Variants in SLC4A5 observed in about 807,000 individuals in gnomAD.
The protein encoded by SLC4A5 is electrogenic sodium bicarbonate cotransporter 4.
Under a neutral mutation model 120.4 loss-of-function variants are expected in SLC4A5, and 96 were observed. The observed-to-expected ratio is 0.80, with a 90% CI of 0.68 to 0.94. The LOEUF is 0.94. SLC4A5 is among the 40% of genes least tolerant of loss of function. The pLI is 0.00. For missense variants in SLC4A5, 1,259 were observed against 1,459.5 expected (o/e 0.86, Z 2.24); for synonymous variants, 550 against 571.1 (o/e 0.96, Z 0.53).
chr2:74,341,404 A>G (rs1317779171), intron 2 of SLC4A5, among the ~76,000 whole-genome samples: 1 of 152,162 alleles, frequency 6.6e-6, no homozygotes, highest in Non-Finnish European at 1.5e-5. Context: ...TGTTCAATGG[A>G]ACAGTGCACA....
chr2:74,288,349 ACC>A (rs35311398), intron 7 of SLC4A5, among the ~76,000 whole-genome samples: 1 of 151,722 alleles, frequency 6.6e-6, no homozygotes, highest in Admixed American at 6.6e-5. Context: ...CAAATTCACA[ACC>A]CCTGCCCTCA....
chr2:74,232,333 C>T, intron 24 of SLC4A5, 136 bp downstream of exon 24: 1 of 1,004,670 alleles, frequency 1.0e-6, no homozygotes. Flanking sequence ...GGATAGCACT[C>T]CTGTCCCTGT....
chr2:74,228,889 C>T (rs965732271), intron 25 of SLC4A5, among the ~76,000 whole-genome samples: 2 of 152,100 alleles, frequency 1.3e-5, no homozygotes, highest in Non-Finnish European at 2.9e-5. Context: ...CAAATCTTCA[C>T]AGCCTTTCAA....
intron 5 of SLC4A5, among the ~76,000 whole-genome samples, chr2:74,315,955 T>C (rs1040514305): frequency 2.0e-5 from 3 of 152,102 alleles, no homozygotes; most frequent in Non-Finnish European, 4.4e-5. Context: ...ATAAGAATAG[T>C]TAACATTGCT....
chr2:74,341,498 C>T (rs1673625174), intron 2 of SLC4A5, among the ~76,000 whole-genome samples: 1 of 152,130 alleles, frequency 6.6e-6, no homozygotes, highest in African/African-American at 2.4e-5. Context: ...GGGCAAGGAC[C>T]ATGTGCTGTT....
At chr2:74,295,329 T>G (rs1278705942) in intron 7 of SLC4A5, among the ~76,000 whole-genome samples, 1 of 152,120 alleles carries the variant, frequency 6.6e-6, no homozygotes, top group Admixed American at 6.5e-5. Flanking sequence ...ATCTAATATC[T>G]CATTTTAAAA....
chr2:74,274,674 G>C (rs1671583158), intron 8 of SLC4A5, among the ~76,000 whole-genome samples: 1 of 152,114 alleles, frequency 6.6e-6, no homozygotes, highest in African/African-American at 2.4e-5. Flanking sequence ...AAGATGATTA[G>C]GTCCAGTGAC....
intron 5 of SLC4A5, among the ~76,000 whole-genome samples, chr2:74,324,808 A>C (rs573060160): frequency 6.6e-6 from 1 of 152,138 alleles, no homozygotes; most frequent in African/African-American, 2.4e-5. Context: ...CCAGCCACAG[A>C]GACTGGTTCA....
At chr2:74,230,115 C>T (rs551654126) in intron 25 of SLC4A5, among the ~76,000 whole-genome samples, 11 of 152,190 alleles carry the variant, frequency 7.2e-5, no homozygotes, top group African/African-American at 2.6e-4. Flanking sequence ...CCTGGGATTA[C>T]AGGCATGAGC....
At position 74,222,964 on chromosome 2, in the gene SLC4A5, C is replaced by T; in HGVS notation, c.3247-12G>A. The T allele has an allele frequency of 6.3e-7, 1 of 1,579,312 alleles. No individual in the cohort carries two copies. The highest frequency in any genetic ancestry group is 8.6e-7 in the Non-Finnish European group (1 of 1,159,546). ...GGAGGGAACTGGGGCTGGAGAAAAA[C>T]AGTGGGAAAAGAGGATAAACACCAA... On this transcript the variant is annotated splice_polypyrimidine_tract_variant and intron_variant, in intron 28 of 30. Coordinates refer to ENST00000394019, the Ensembl canonical transcript of SLC4A5.
intron 4 of SLC4A5, 77 bp from the exon 5 acceptor site, chr2:74,328,263 G>C (rs1191192801): frequency 1.1e-6 from 1 of 904,312 alleles, no homozygotes; most frequent in Non-Finnish European, 1.3e-6. Context: ...GACTTCTGAG[G>C]CTCAGTGGCG....
chr2:74,231,875 G>A (rs1670101306), intron 24 of SLC4A5, among the ~76,000 whole-genome samples: 1 of 152,204 alleles, frequency 6.6e-6, no homozygotes, highest in South Asian at 2.1e-4. Flanking sequence ...AGTATCTCAA[G>A]ATAGTGGGAG....
intron 22 of SLC4A5, among the ~76,000 whole-genome samples, chr2:74,234,418 C>G (rs547760840): frequency 1.4e-4 from 21 of 152,292 alleles, no homozygotes; most frequent in Non-Finnish European, 2.8e-4. Context: ...ACCTCATGAT[C>G]CGCCCACCTC....
rs528598276 is a variant in SLC4A5 at position 74,313,750 on chromosome 2, C to G, written c.79+1195G>C. Reference sequence around the variant, plus strand: ...TGCAATTTGAGATAAGCAGTAGACACTAGCACTTAGAGGTAAGTAGTTCCA... The same window carrying G: ...TGCAATTTGAGATAAGCAGTAGACAGTAGCACTTAGAGGTAAGTAGTTCCA... On this transcript the variant is annotated intron_variant, in intron 6 of 30. Coordinates refer to ENST00000394019, the Ensembl canonical transcript of SLC4A5. Among the ~76,000 whole-genome samples the G allele has an allele frequency of 1.1e-3, 160 of 152,308 alleles. 1 individual carries two copies. Among genetic ancestry groups the G allele is most frequent in the Non-Finnish European group, 1.5e-3 (102 of 68,028 alleles).
chr2:74,239,492 C>T, exon 21 of SLC4A5: 2 of 1,614,052 alleles, frequency 1.2e-6, no homozygotes, highest in Non-Finnish European at 1.7e-6. Flanking sequence ...CTCCTTCTTG[C>T]TCAGCAGGGA....
chr2:74,273,559 G>C (rs1671541808), intron 8 of SLC4A5, among the ~76,000 whole-genome samples: 1 of 152,128 alleles, frequency 6.6e-6, no homozygotes, highest in Non-Finnish European at 1.5e-5. Flanking sequence ...CTGTGTATTA[G>C]TTACAAAGCA....
exon 15 of SLC4A5, chr2:74,253,016 A>G: frequency 6.2e-7 from 1 of 1,614,114 alleles, no homozygotes; most frequent in Non-Finnish European, 8.5e-7. Context: ...CTCAATCCGG[A>G]TATTTGGGTC....
chr2:74,315,599 T>C (rs772759406), intron 5 of SLC4A5, among the ~76,000 whole-genome samples: 37 of 150,654 alleles, frequency 2.5e-4, no homozygotes, highest in Admixed American at 1.1e-3. Flanking sequence ...AAATTTATTA[T>C]GCTTATATAA....
At chr2:74,243,646 T>A (rs558448752) in intron 19 of SLC4A5, among the ~76,000 whole-genome samples, 1 of 152,366 alleles carries the variant, frequency 6.6e-6, no homozygotes, top group Admixed American at 6.5e-5. Flanking sequence ...GGCTGACGCT[T>A]GAGCCTGGGG....
Sources: allele counts gnomAD v4.1 joint callset (sites outside exome capture counted in the v4.1 genomes callset), GRCh38; gene constraint gnomAD v4.1.1; transcripts MANE v1.5; gene names NCBI Gene and HGNC (gene_info 2026-07-23, HGNC 2026-07-21).